ZFAND3: variants seen among roughly 807,000 people sequenced by gnomAD.
ZFAND3 encodes AN1-type zinc finger protein 3.
Under a neutral mutation model 29.6 loss-of-function variants are expected in ZFAND3, and 10 were observed. That is an observed-to-expected ratio of 0.34 (90% CI 0.21 to 0.57). The LOEUF (loss-of-function observed/expected upper bound fraction) is 0.57. Among genes scored for constraint, ZFAND3 ranks in the 20% least tolerant of loss-of-function variants. The pLI is 0.86. For synonymous variants in ZFAND3, 128 were observed against 112.6 expected (o/e 1.14, Z -0.87); for missense variants, 230 against 304.5 (o/e 0.76, Z 1.82).
At chr6:37,917,067 G>C (rs1761272535) in intron 1 of ZFAND3, among the ~76,000 whole-genome samples, 2 of 152,112 alleles carry the variant, frequency 1.3e-5, no homozygotes, top group Non-Finnish European at 2.9e-5. Flanking sequence ...AAATTGTTCT[G>C]TTAATTATTG....
At chr6:38,059,413 T>C (rs936208281) in intron 2 of ZFAND3, among the ~76,000 whole-genome samples, 16 of 152,218 alleles carry the variant, frequency 1.1e-4, no homozygotes, top group Admixed American at 3.9e-4. Flanking sequence ...TTTTCTATTA[T>C]ACTTGTAGCC....
At chr6:38,104,494 T>G (rs1237730259) in intron 4 of ZFAND3, among the ~76,000 whole-genome samples, 1 of 152,198 alleles carries the variant, frequency 6.6e-6, no homozygotes, top group Non-Finnish European at 1.5e-5. Context: ...CTTTTGTGGA[T>G]GAAGTCTTTA....
intron 1 of ZFAND3, among the ~76,000 whole-genome samples, chr6:37,925,067 CT>C (rs555738704): frequency 4.3e-3 from 659 of 152,068 alleles, no homozygotes; most frequent in Middle Eastern, 0.014. Flanking sequence ...CACAAGGAGA[CT>C]TCCAGACTTT....
chr6:37,976,851 C>T (rs1423053936), intron 2 of ZFAND3, among the ~76,000 whole-genome samples: 1 of 152,116 alleles, frequency 6.6e-6, no homozygotes, highest in Non-Finnish European at 1.5e-5. Context: ...ATCCAGTCAC[C>T]TTCCACCAGG....
chr6:38,042,795 A>G (rs1203374943), intron 2 of ZFAND3, among the ~76,000 whole-genome samples: 1 of 152,180 alleles, frequency 6.6e-6, no homozygotes, highest in African/African-American at 2.4e-5. Flanking sequence ...TCAAGAATAG[A>G]TGGTTAACAA....
chr6:38,096,553 G>C (rs777934686), intron 4 of ZFAND3, among the ~76,000 whole-genome samples: 1 of 152,156 alleles, frequency 6.6e-6, no homozygotes, highest in Non-Finnish European at 1.5e-5. Context: ...TTCAAGATGC[G>C]AATACTTGCT....
intron 2 of ZFAND3, among the ~76,000 whole-genome samples, chr6:38,001,936 T>C (rs1418530652): frequency 6.6e-6 from 1 of 152,216 alleles, no homozygotes; most frequent in Admixed American, 6.5e-5. Flanking sequence ...TAAATATTGA[T>C]ATATTAGGTG....
In ZFAND3 at chr6:37,884,434, C is replaced by T. The variant is rs1226925369; in HGVS notation, c.72-45525C>T. On this transcript the variant is annotated intron_variant, in intron 1 of 5. Coordinates refer to ENST00000287218, the MANE Select transcript of ZFAND3 (RefSeq NM_021943.3). ...ACTTGAACCTGGGAGGCGGAGATTG[C>T]GGTGAGCCAAGATCGCGCCATTGCA... Among the ~76,000 whole-genome samples, 7 of 122,984 alleles carry T rather than the reference C, an allele frequency of 5.7e-5. 2 individuals carry two copies. Among genetic ancestry groups the T allele is most frequent in the East Asian group, 2.5e-4 (1 of 4,018 alleles). The allele number at this position is 122,984 out of a possible 152,430, so 80.7% of individuals were successfully genotyped here.
At chr6:38,092,268 C>G (rs1764888950) in intron 4 of ZFAND3, among the ~76,000 whole-genome samples, 1 of 152,194 alleles carries the variant, frequency 6.6e-6, no homozygotes. Flanking sequence ...CAGTCCAGCA[C>G]TTTACTAAAA....
chr6:37,855,314 C>CTT (rs970061636), intron 1 of ZFAND3, among the ~76,000 whole-genome samples: 6 of 134,390 alleles, frequency 4.5e-5, no homozygotes, highest in African/African-American at 5.4e-5. Context: ...CTGGCTAACT[C>CTT]TTTTTTTTTT....
chr6:37,987,057 T>C (rs561322382), intron 2 of ZFAND3, among the ~76,000 whole-genome samples: 1 of 152,342 alleles, frequency 6.6e-6, no homozygotes, highest in South Asian at 2.1e-4. Context: ...TTGAAAATAT[T>C]TAAGAATATT....
At chr6:37,946,290 A>T (rs949639969) in intron 2 of ZFAND3, among the ~76,000 whole-genome samples, 6 of 152,198 alleles carry the variant, frequency 3.9e-5, no homozygotes, top group African/African-American at 1.4e-4. Context: ...TTTATAAGAT[A>T]CTTACCATGA....
At chr6:37,854,764 G>C (rs1764345374) in intron 1 of ZFAND3, among the ~76,000 whole-genome samples, 5 of 122,296 alleles carry the variant, frequency 4.1e-5, no homozygotes, top group Non-Finnish European at 6.6e-5. Flanking sequence ...AGGCTAAAAT[G>C]CCCCCCCCCC....
intron 2 of ZFAND3, among the ~76,000 whole-genome samples, chr6:37,951,594 AAAAAAT>A (rs1761999687): frequency 6.6e-6 from 1 of 152,146 alleles, no homozygotes; most frequent in Non-Finnish European, 1.5e-5. Context: ...CTCTGTCTAA[AAAAAAT>A]AAAAATAAAG....
chr6:38,152,138 A>T (rs748156570), intron 5 of ZFAND3, 97 bp from the exon 6 acceptor site: 40 of 1,179,382 alleles, frequency 3.4e-5, no homozygotes, highest in Non-Finnish European at 4.2e-5. Flanking sequence ...ACTCACTGGG[A>T]TGCCCCTCCA....
chr6:38,091,654 C>T (rs1764873615), intron 4 of ZFAND3, among the ~76,000 whole-genome samples: 1 of 148,920 alleles, frequency 6.7e-6, no homozygotes, highest in Non-Finnish European at 1.5e-5. Flanking sequence ...CATTATAAAT[C>T]GTCTGAGCCT....
intron 2 of ZFAND3, among the ~76,000 whole-genome samples, chr6:38,048,809 T>G (rs1763962372): frequency 6.6e-6 from 1 of 152,056 alleles, no homozygotes; most frequent in Admixed American, 6.6e-5. Flanking sequence ...TCTGATTCTT[T>G]GTGTATTATA....
chr6:38,107,217 C>T (rs1765227374), intron 4 of ZFAND3, among the ~76,000 whole-genome samples: 1 of 152,108 alleles, frequency 6.6e-6, no homozygotes, highest in African/African-American at 2.4e-5. Flanking sequence ...TGCCATCAGA[C>T]TAAAACAAAT....
intron 4 of ZFAND3, among the ~76,000 whole-genome samples, chr6:38,103,903 ATGT>A (rs1369957130): frequency 1.3e-5 from 2 of 152,190 alleles, no homozygotes; most frequent in East Asian, 1.9e-4. Flanking sequence ...ATGCATTGTA[ATGT>A]TGTTGAACTC....
Sources: allele counts gnomAD v4.1 joint callset (sites outside exome capture counted in the v4.1 genomes callset), GRCh38; gene constraint gnomAD v4.1.1; transcripts MANE v1.5; gene names NCBI Gene and HGNC (gene_info 2026-07-23, HGNC 2026-07-21).